ZNF568: variants seen among roughly 807,000 people sequenced by gnomAD.
The protein encoded by ZNF568 is zinc finger protein 568.
A neutral mutation model predicts 18.1 loss-of-function variants in ZNF568; 11 were observed. That is an observed-to-expected ratio of 0.61 (90% CI 0.38 to 1.00). The LOEUF (loss-of-function observed/expected upper bound fraction) is 1.00, where lower values mean the gene tolerates loss of function less well. Ranked by LOEUF, ZNF568 falls within the 50% of genes least tolerant of loss-of-function variation. The probability of loss-of-function intolerance (pLI) is 0.01; values close to 1 mark genes in which losing one functional copy is unlikely to be tolerated. For synonymous variants in ZNF568, 213 were observed against 246.6 expected (o/e 0.86, Z 1.28); for missense variants, 639 against 768.2 (o/e 0.83, Z 1.99).
chr19:36,918,981 G>A (rs894214275), intron 2 of ZNF568, among the ~76,000 whole-genome samples: 17 of 152,108 alleles, frequency 1.1e-4, no homozygotes, highest in African/African-American at 2.2e-4. Flanking sequence ...TTTTAAGGCC[G>A]AATGATAAGT....
intron 6 of ZNF568, among the ~76,000 whole-genome samples, chr19:36,964,559 T>C (rs923225270): frequency 1.3e-5 from 2 of 152,196 alleles, no homozygotes; most frequent in African/African-American, 4.8e-5. Context: ...ATGCCTATAA[T>C]CCTCGCACTT....
At chr19:36,994,490 T>G (rs1479337943) in intron 4 of ZNF568, among the ~76,000 whole-genome samples, 1 of 152,214 alleles carries the variant, frequency 6.6e-6, no homozygotes, top group Non-Finnish European at 1.5e-5. Flanking sequence ...ATTCTATCCA[T>G]TATTGAAAGT....
intron 6 of ZNF568, among the ~76,000 whole-genome samples, chr19:36,962,732 G>A (rs764174478): frequency 3.3e-5 from 5 of 151,966 alleles, no homozygotes; most frequent in African/African-American, 7.2e-5. Context: ...GTTTATGAAG[G>A]ATAATTTTGC....
intron 6 of ZNF568, among the ~76,000 whole-genome samples, chr19:36,958,714 G>A (rs908799907): frequency 6.8e-6 from 1 of 146,736 alleles, no homozygotes; most frequent in African/African-American, 2.5e-5. Flanking sequence ...CACCTCCCGG[G>A]TTCAAGCAAT....
At chr19:36,943,707 G>A (rs985637475) in intron 6 of ZNF568, among the ~76,000 whole-genome samples, 58 of 151,506 alleles carry the variant, frequency 3.8e-4, no homozygotes, top group African/African-American at 1.3e-3. Context: ...CCCGAGTACT[G>A]GGATTAAAGG....
chr19:36,931,879 C>T (rs2073692368), intron 4 of ZNF568, among the ~76,000 whole-genome samples: 2 of 152,152 alleles, frequency 1.3e-5, no homozygotes, highest in Non-Finnish European at 2.9e-5. Flanking sequence ...TACCTGTTAG[C>T]TTTCACTTCC....
intron 4 of ZNF568, among the ~76,000 whole-genome samples, chr19:36,927,376 G>T (rs1202961355): frequency 6.6e-6 from 1 of 152,076 alleles, no homozygotes; most frequent in Non-Finnish European, 1.5e-5. Context: ...TAATTGGTTT[G>T]AGATAGGAAT....
chr19:36,939,761 G>A (rs528949524), intron 6 of ZNF568, among the ~76,000 whole-genome samples: 4 of 152,030 alleles, frequency 2.6e-5, no homozygotes, highest in South Asian at 2.1e-4. Flanking sequence ...GGCTGGTCTC[G>A]AATTCCTGAC....
At chr19:36,937,718 T>C (rs1320896401) in intron 6 of ZNF568, among the ~76,000 whole-genome samples, 1 of 152,224 alleles carries the variant, frequency 6.6e-6, no homozygotes, top group Non-Finnish European at 1.5e-5. Flanking sequence ...TCACTTCCCA[T>C]TGTGCTTCAC....
intron 2 of ZNF568, among the ~76,000 whole-genome samples, chr19:36,922,153 G>C (rs564418092): frequency 6.6e-6 from 1 of 152,258 alleles, no homozygotes; most frequent in East Asian, 1.9e-4. Flanking sequence ...TGCGTATTTG[G>C]GCTTGGGTAT....
At chr19:36,970,106 C>T (rs1405786550) in intron 6 of ZNF568, among the ~76,000 whole-genome samples, 1 of 124,492 alleles carries the variant, frequency 8.0e-6, no homozygotes, top group Admixed American at 8.3e-5. Flanking sequence ...TGCAGAGCCT[C>T]TTTTGCCATG....
At position 36,975,769 on chromosome 19, in the gene ZNF568, C is replaced by G. The variant is rs551926481; in HGVS notation, c.405+1303C>G. ...GTGTGATCTGAGCGTGATCTGAGCT[C>G]GCTGCAACCTCTGCCTCCCTGGTTC... On this transcript the variant is annotated intron_variant, in intron 7 of 7. Transcript: ENST00000427117. Among the ~76,000 whole-genome samples, 10 of 143,652 alleles carry G rather than the reference C, an allele frequency of 7.0e-5. No individual in the cohort carries two copies. In the East Asian group the frequency reaches 2.1e-3, roughly 29 times the overall value. The allele number at this position is 143,652 out of a possible 152,430, so 94.2% of individuals were successfully genotyped here. A position where few individuals can be genotyped will look rare whatever the true frequency, so the allele number is the denominator to read the frequency against.
At chr19:36,988,158 T>C (rs2074392613) in intron 2 of ZNF568, among the ~76,000 whole-genome samples, 1 of 152,112 alleles carries the variant, frequency 6.6e-6, no homozygotes, top group African/African-American at 2.4e-5. Flanking sequence ...CCTGCTATGT[T>C]GCCCAGGCTG....
rs2074225351 is a variant in ZNF568 at position 36,970,049 on chromosome 19, ACGATGCC to A, written c.359-4370_359-4364del. ...AAGTGCTGGATTACAAGCATGAGCC[ACGATGCC>A]TGGCCTCCATCTCAAGATTATTAGT... On this transcript the variant is annotated intron_variant, in intron 6 of 7. Transcript: ENST00000427117. Among the ~76,000 whole-genome samples, 2 of 123,594 alleles carry A rather than the reference ACGATGCC, an allele frequency of 1.6e-5. 1 individual carries two copies. Among genetic ancestry groups the A allele is most frequent in the Non-Finnish European group, 3.5e-5 (2 of 57,168 alleles). The allele number at this position is 123,594 out of a possible 152,430, so 81.1% of individuals were successfully genotyped here.
At chr19:36,991,785 A>G in exon 4 of ZNF568, 1 of 1,581,168 alleles carries the variant, frequency 6.3e-7, no homozygotes, top group Non-Finnish European at 8.5e-7. Flanking sequence ...TGATCTCCTT[A>G]TTGGAGCAGA....
At chr19:36,941,528 C>A (rs985654570) in intron 6 of ZNF568, among the ~76,000 whole-genome samples, 2 of 152,132 alleles carry the variant, frequency 1.3e-5, no homozygotes, top group Non-Finnish European at 1.5e-5. Flanking sequence ...AAAGTTGGAG[C>A]TCTCTCCATA....
At chr19:36,970,500 A>T (rs2074228044) in intron 6 of ZNF568, among the ~76,000 whole-genome samples, 1 of 152,010 alleles carries the variant, frequency 6.6e-6, no homozygotes, top group East Asian at 1.9e-4. Context: ...GTGCGCCACC[A>T]CATCCGGCTA....
At position 36,950,455 on chromosome 19, in the gene ZNF568, C is replaced by T. The variant is rs531194113; in HGVS notation, c.1302C>T (p.Thr434=). 102 of 1,608,782 alleles carry T rather than the reference C, an allele frequency of 6.3e-5. No individual in the cohort carries two copies. The highest frequency in any genetic ancestry group is 7.8e-5 in the Non-Finnish European group (92 of 1,177,842). The part of the protein sequence containing the change: ...GKAFSQSSSL[T]VHMRNHTAEK... ...CCTTCTCTCAGAGTTCATCCCTAACCGTACATATGCGAAATCATACAGCTG... is the reference window on the plus strand; with the variant it reads ...CCTTCTCTCAGAGTTCATCCCTAACTGTACATATGCGAAATCATACAGCTG... Residue 434 remains threonine (T), a synonymous_variant, in exon 7 of 7, where the codon ACC becomes ACT. Transcript: ENST00000333987.
At chr19:36,989,872 C>T (rs1405311118) in intron 2 of ZNF568, among the ~76,000 whole-genome samples, 1 of 152,096 alleles carries the variant, frequency 6.6e-6, no homozygotes, top group African/African-American at 2.4e-5. Flanking sequence ...CATGTTCTTC[C>T]ACCGAGAGTA....
Sources: allele counts gnomAD v4.1 joint callset (sites outside exome capture counted in the v4.1 genomes callset), GRCh38; gene constraint gnomAD v4.1.1; transcripts MANE v1.5; gene names NCBI Gene and HGNC (gene_info 2026-07-23, HGNC 2026-07-21).